Variants in CALN1 observed in about 807,000 individuals in gnomAD.
The protein encoded by CALN1 is calneuron 1.
In CALN1, 17 loss-of-function variants were observed where a neutral mutation model predicts 30.6. The observed-to-expected ratio is 0.56, with a 90% CI of 0.38 to 0.83. The LOEUF (loss-of-function observed/expected upper bound fraction) is 0.83, where lower values mean the gene tolerates loss of function less well. Among genes scored for constraint, CALN1 ranks in the 40% least tolerant of loss-of-function variants. The pLI, the probability that CALN1 is intolerant of heterozygous loss-of-function variation, is 0.00. For synonymous variants in CALN1, 156 were observed against 131.4 expected (o/e 1.19, Z -1.28); for missense variants, 291 against 354.9 (o/e 0.82, Z 1.45).
chr7:71,942,244 C>T (rs191914212), intron 5 of CALN1: 3 of 192,364 alleles, frequency 1.6e-5, no homozygotes, highest in East Asian at 1.7e-4. Context: ...TCTGCCAGAC[C>T]GCCACGCCGC....
intron 5 of CALN1, among the ~76,000 whole-genome samples, chr7:71,930,983 T>A (rs1436507132): frequency 6.6e-6 from 1 of 152,202 alleles, no homozygotes; most frequent in African/African-American, 2.4e-5. Flanking sequence ...AACTTTTTTT[T>A]CTGGCAAAGC....
the CALN1 span, among the ~76,000 whole-genome samples, chr7:72,499,907 TTCTTTCTATC>T: frequency 0.061 from 3,317 of 54,690 alleles, 648 homozygotes; most frequent in African/African-American, 0.13. Context: ...CTTTCTTTCT[TTCTTTCTATC>T]TTTCTCTTTT....
intron 5 of CALN1, among the ~76,000 whole-genome samples, chr7:71,949,775 T>A (rs1337100430): frequency 6.6e-6 from 1 of 151,980 alleles, no homozygotes; most frequent in Non-Finnish European, 1.5e-5. Context: ...CTTTCTTTTT[T>A]TTTTGAGATG....
chr7:72,487,543 G>A, the CALN1 span, among the ~76,000 whole-genome samples: 2 of 151,308 alleles, frequency 1.3e-5, no homozygotes, highest in Non-Finnish European at 1.5e-5. Flanking sequence ...AAAATTAGCT[G>A]GGTGTGGTGG....
In CALN1 at chr7:72,262,341, G is replaced by T. The variant is rs1038209996; in HGVS notation, c.244+16345C>A. 3.9e-5 allele frequency among the ~76,000 whole-genome samples: 6 copies of T among 152,138 alleles called. No homozygotes were observed. The South Asian group carries it at 1.2e-3, about 32-fold the overall frequency. On this transcript the variant is annotated intron_variant, in intron 3 of 6. Coordinates refer to ENST00000395275, the MANE Select transcript of CALN1 (RefSeq NM_031468.4). ...GAAACCCAGGTCTTAGAGGATCCTG[G>T]ATCTTTTTTGTTTCTTTTTTCTTTT...
At chr7:71,910,953 C>T (rs970748149) in intron 5 of CALN1, among the ~76,000 whole-genome samples, 1 of 152,134 alleles carries the variant, frequency 6.6e-6, no homozygotes, top group African/African-American at 2.4e-5. Context: ...AAGCAATTTG[C>T]TAGGTGCTCT....
intron 5 of CALN1, among the ~76,000 whole-genome samples, chr7:71,979,374 C>A (rs553284809): frequency 4.6e-5 from 7 of 152,282 alleles, no homozygotes; most frequent in African/African-American, 1.7e-4. Flanking sequence ...TTCCCTGTAA[C>A]TAGACAGTCT....
intron 3 of CALN1, among the ~76,000 whole-genome samples, chr7:72,208,271 A>G (rs922888859): frequency 6.6e-6 from 1 of 152,236 alleles, no homozygotes; most frequent in South Asian, 2.1e-4. Context: ...AGGACTTACA[A>G]GAGAAAAGTT....
chr7:72,291,506 C>A (rs1050773028), intron 2 of CALN1, among the ~76,000 whole-genome samples: 1 of 152,206 alleles, frequency 6.6e-6, no homozygotes, highest in Admixed American at 6.5e-5. Flanking sequence ...AACTTAGAAG[C>A]CTGCACCACA....
At chr7:72,467,876 C>T in the CALN1 span, among the ~76,000 whole-genome samples, 6 of 152,150 alleles carry the variant, frequency 3.9e-5, no homozygotes, top group African/African-American at 9.7e-5. Flanking sequence ...AGTTACTTCC[C>T]GTTCCCCTCT....
intron 2 of CALN1, among the ~76,000 whole-genome samples, chr7:72,368,612 A>G (rs1394738735): frequency 6.6e-6 from 1 of 152,134 alleles, no homozygotes; most frequent in South Asian, 2.1e-4. Flanking sequence ...AGTAACAAAG[A>G]TATGAGCTAC....
chr7:71,955,868 G>A (rs17144138), intron 5 of CALN1, among the ~76,000 whole-genome samples: 9 of 151,818 alleles, frequency 5.9e-5, no homozygotes, highest in African/African-American at 2.2e-4. Flanking sequence ...GGGCTTGAGG[G>A]CTGAAGATTG....
At chr7:72,328,508 C>G (rs1477073195) in intron 2 of CALN1, among the ~76,000 whole-genome samples, 2 of 152,132 alleles carry the variant, frequency 1.3e-5, no homozygotes, top group South Asian at 2.1e-4. Flanking sequence ...TATAAATTAC[C>G]CAGTCTCAGG....
chr7:72,475,747 T>G, the CALN1 span, among the ~76,000 whole-genome samples: 1 of 152,142 alleles, frequency 6.6e-6, no homozygotes, highest in Non-Finnish European at 1.5e-5. Flanking sequence ...TAGAAGAGCC[T>G]TGCCCAAATC....
chr7:72,267,657 C>T (rs1796686549), intron 3 of CALN1, among the ~76,000 whole-genome samples: 2 of 152,182 alleles, frequency 1.3e-5, no homozygotes, highest in Admixed American at 6.5e-5. Context: ...GGTTATGTAA[C>T]CTTGGACAAG....
intron 3 of CALN1, among the ~76,000 whole-genome samples, chr7:72,178,914 C>T (rs1163667330): frequency 6.6e-6 from 1 of 151,996 alleles, no homozygotes; most frequent in East Asian, 1.9e-4. Context: ...CTGGGTTTTC[C>T]GTGTTTTCAA....
chr7:71,947,551 A>T (rs1796467463), intron 5 of CALN1, among the ~76,000 whole-genome samples: 1 of 152,238 alleles, frequency 6.6e-6, no homozygotes, highest in Non-Finnish European at 1.5e-5. Flanking sequence ...TGGGCTTAAA[A>T]GTGAAGAAAA....
intron 2 of CALN1, among the ~76,000 whole-genome samples, chr7:72,316,135 A>G (rs1023582150): frequency 6.8e-6 from 1 of 146,842 alleles, no homozygotes; most frequent in African/African-American, 2.5e-5. Context: ...CAGATGACAG[A>G]TTATGTCTTT....
chr7:72,250,556 T>C (rs1375041637), intron 3 of CALN1, among the ~76,000 whole-genome samples: 1 of 152,174 alleles, frequency 6.6e-6, no homozygotes, highest in East Asian at 1.9e-4. Context: ...TATTGAAATG[T>C]GATCCCTGGT....
Sources: gnomAD v4.1 joint callset for allele counts (sites outside exome capture counted in the v4.1 genomes callset) on GRCh38, gnomAD v4.1.1 for gene constraint, MANE v1.5 for transcripts, NCBI Gene and HGNC (gene_info 2026-07-23, HGNC 2026-07-21) for gene names.